Variants in PTPRD observed in about 807,000 individuals in gnomAD.
PTPRD encodes the protein receptor-type tyrosine-protein phosphatase delta.
PTPRD carries 34 observed loss-of-function variants against 214.5 expected under a neutral mutation model. That is an observed-to-expected ratio of 0.16 (90% CI 0.12 to 0.21). The LOEUF is 0.21. PTPRD is among the 10% of genes least tolerant of loss of function. PTPRD has a pLI of 1.00. For synonymous variants in PTPRD, 1,128 were observed against 845.7 expected, an observed-to-expected ratio of 1.33 and a Z score of -5.79; for missense variants, 2,545 against 2,398.7, an observed-to-expected ratio of 1.06 and a Z score of -1.27.
rs559603108 is a variant in PTPRD at position 10,498,501 on chromosome 9, C to T, written c.-600+113897G>A. Among the ~76,000 whole-genome samples the T allele has an allele frequency of 3.9e-5, 6 of 151,902 alleles. No individual in the cohort carries two copies. The South Asian group carries it at 1.2e-3, about 31-fold the overall frequency. Reference sequence around the variant, plus strand: ...TCCTTGCACCTGGGTCAAAACAGGTCACATCAAATTTCTCTTTTATTTCAA... The same window carrying T: ...TCCTTGCACCTGGGTCAAAACAGGTTACATCAAATTTCTCTTTTATTTCAA... On this transcript the variant is annotated intron_variant, in intron 2 of 45. Coordinates refer to ENST00000381196, the MANE Select transcript of PTPRD (RefSeq NM_002839.4).
At chr9:9,150,821 A>T (rs2099876142) in intron 10 of PTPRD, among the ~76,000 whole-genome samples, 1 of 152,210 alleles carries the variant, frequency 6.6e-6, no homozygotes, top group African/African-American at 2.4e-5. Context: ...ATGCTATGAC[A>T]TAAGGTAAAA....
intron 11 of PTPRD, among the ~76,000 whole-genome samples, chr9:8,914,922 A>G (rs944453455): frequency 1.3e-5 from 2 of 152,176 alleles, no homozygotes; most frequent in Admixed American, 6.6e-5. Flanking sequence ...TACTTCTACC[A>G]TCCTGTCCTT....
chr9:8,418,212 T>C lies in PTPRD; in HGVS notation c.4087-13552A>G, dbSNP rs2094090791. Among the ~76,000 whole-genome samples the C allele has an allele frequency of 4.0e-5, 6 of 151,248 alleles. No individual in the cohort carries two copies. In the South Asian group the frequency reaches 1.3e-3, roughly 32 times the overall value. The stretch of plus-strand genomic sequence containing the variant: ...AATATTTCTTGCTTGGAGAGCACTT[T>C]CTTATCCTTTTCTTTTTTTTTTGCT... On this transcript the variant is annotated intron_variant, in intron 35 of 45. Transcript: ENST00000381196.
chr9:9,607,820 A>C (rs1429645295), intron 7 of PTPRD, among the ~76,000 whole-genome samples: 1 of 152,096 alleles, frequency 6.6e-6, no homozygotes, highest in East Asian at 1.9e-4. Flanking sequence ...GGCTTGCCCC[A>C]AAAGAGCTTC....
At chr9:9,941,397 G>T (rs76840051) in intron 4 of PTPRD, among the ~76,000 whole-genome samples, 1 of 152,090 alleles carries the variant, frequency 6.6e-6, no homozygotes, top group Non-Finnish European at 1.5e-5. Context: ...ATCTCAGCTC[G>T]CTGCAATTTC....
At chr9:8,419,851 T>C (rs1434807580) in intron 35 of PTPRD, among the ~76,000 whole-genome samples, 1 of 151,996 alleles carries the variant, frequency 6.6e-6, no homozygotes, top group Non-Finnish European at 1.5e-5. Context: ...AAGAGAAACA[T>C]GAGTTTTCCC....
At chr9:8,337,217 G>T (rs1348376474) in intron 43 of PTPRD, among the ~76,000 whole-genome samples, 5 of 152,206 alleles carry the variant, frequency 3.3e-5, no homozygotes, top group African/African-American at 1.2e-4. Context: ...ATCAATGATA[G>T]ATTGGATAAA....
intron 8 of PTPRD, among the ~76,000 whole-genome samples, chr9:9,507,410 A>C (rs569423361): frequency 6.6e-6 from 1 of 151,172 alleles, no homozygotes; most frequent in Admixed American, 6.6e-5. Context: ...TAAAAATGTA[A>C]GGCTTTGTAC....
chr9:9,409,928 A>C (rs1352639169), intron 8 of PTPRD, among the ~76,000 whole-genome samples: 4 of 152,172 alleles, frequency 2.6e-5, no homozygotes, highest in Non-Finnish European at 5.9e-5. Flanking sequence ...TTTATTTAAA[A>C]GCATATGAAT....
At position 8,796,692 on chromosome 9, in the gene PTPRD, T is replaced by G. The variant is rs377272654; in HGVS notation, c.-103-62746A>C. Among the ~76,000 whole-genome samples, 14 of 152,256 alleles carry G rather than the reference T, an allele frequency of 9.2e-5. No homozygotes were observed. The East Asian group carries it at 2.5e-3, about 27-fold the overall frequency. On this transcript the variant is annotated intron_variant, in intron 11 of 45. Coordinates refer to ENST00000381196, the MANE Select transcript of PTPRD (RefSeq NM_002839.4). ...AAAATGAGTACAATTTCTATTTTAT[T>G]CACATAATAGATTTATGTAGGAGAC...
At chr9:10,461,320 T>A (rs997903967) in intron 2 of PTPRD, among the ~76,000 whole-genome samples, 1 of 146,662 alleles carries the variant, frequency 6.8e-6, no homozygotes, top group African/African-American at 2.5e-5. Context: ...GTCAGATTTC[T>A]AATGAAATTA....
intron 3 of PTPRD, among the ~76,000 whole-genome samples, chr9:10,320,152 T>A (rs2096528248): frequency 6.6e-6 from 1 of 152,010 alleles, no homozygotes; most frequent in Admixed American, 6.6e-5. Flanking sequence ...TGCAACTATT[T>A]AACAAGGGAT....
chr9:10,227,505 A>C (rs1443565544), intron 3 of PTPRD, among the ~76,000 whole-genome samples: 1 of 151,992 alleles, frequency 6.6e-6, no homozygotes, highest in African/African-American at 2.4e-5. Flanking sequence ...CAGCTATCCA[A>C]GGTTTGGCTC....
At chr9:10,300,697 G>A (rs1459545397) in intron 3 of PTPRD, among the ~76,000 whole-genome samples, 2 of 152,166 alleles carry the variant, frequency 1.3e-5, no homozygotes. Flanking sequence ...GGCTGCTGCA[G>A]CCAGACTGCC....
At position 8,762,418 on chromosome 9, in the gene PTPRD, A is replaced by G. The variant is rs183401172; in HGVS notation, c.-103-28472T>C. ...GAAGTCAGCTATGTTGATAGAATAC[A>G]GATTTACAAATCAAATAATAATAAA... On this transcript the variant is annotated intron_variant, in intron 11 of 45. Coordinates refer to ENST00000381196, the MANE Select transcript of PTPRD (RefSeq NM_002839.4). Among the ~76,000 whole-genome samples, 3 of 152,348 alleles carry G rather than the reference A, an allele frequency of 2.0e-5. No homozygotes were observed. The East Asian group carries it at 5.8e-4, about 29-fold the overall frequency.
intron 8 of PTPRD, among the ~76,000 whole-genome samples, chr9:9,458,782 G>A (rs1015818556): frequency 2.6e-5 from 4 of 151,886 alleles, no homozygotes; most frequent in South Asian, 4.1e-4. Flanking sequence ...CTGTACAAAT[G>A]TACAAAAATT....
At position 9,761,859 on chromosome 9, in the gene PTPRD, C is replaced by T. The variant is rs79518681; in HGVS notation, c.-326+4951G>A. Reference sequence around the variant, plus strand: ...ATCAAAATCTGCGAATTATTCCATGCTCCACCTCTTTCCTCTTTATTTTGA... The same window carrying T: ...ATCAAAATCTGCGAATTATTCCATGTTCCACCTCTTTCCTCTTTATTTTGA... On this transcript the variant is annotated intron_variant, in intron 6 of 45. Coordinates refer to ENST00000381196, the MANE Select transcript of PTPRD (RefSeq NM_002839.4). Among the ~76,000 whole-genome samples the T allele has an allele frequency of 4.3e-3, 658 of 152,292 alleles. 5 individuals are homozygous for T. Among genetic ancestry groups the T allele is most frequent in the African/African-American group, 0.015 (617 of 41,568 alleles).
At chr9:9,925,111 C>G (rs2083810668) in intron 5 of PTPRD, among the ~76,000 whole-genome samples, 1 of 151,960 alleles carries the variant, frequency 6.6e-6, no homozygotes, top group Admixed American at 6.6e-5. Flanking sequence ...TGTTATTCAA[C>G]TATTATAGTA....
intron 3 of PTPRD, among the ~76,000 whole-genome samples, chr9:10,051,418 G>C (rs1382636322): frequency 1.3e-5 from 2 of 151,694 alleles, no homozygotes; most frequent in Non-Finnish European, 2.9e-5. Flanking sequence ...CATGATATCT[G>C]TGATATTACA....
Sources: gnomAD v4.1 joint callset for allele counts (sites outside exome capture counted in the v4.1 genomes callset) on GRCh38, gnomAD v4.1.1 for gene constraint, MANE v1.5 for transcripts, NCBI Gene and HGNC (gene_info 2026-07-23, HGNC 2026-07-21) for gene names.